The following PLCL2 variants were observed in gnomAD, a reference collection of about 807,000 sequenced individuals.
PLCL2 encodes the protein inactive phospholipase C-like protein 2.
PLCL2 carries 4 observed loss-of-function variants against 79.6 expected under a neutral mutation model. The observed-to-expected ratio is 0.05, with a 90% confidence interval of 0.02 to 0.11. PLCL2 has a LOEUF of 0.11. PLCL2 is among the 10% of genes least tolerant of loss of function. PLCL2 has a pLI of 1.00. For missense variants in PLCL2, 895 were observed against 1,291.0 expected (o/e 0.69, Z 4.70); for synonymous variants, 484 against 457.7 (o/e 1.06, Z -0.73).
intron 5 of PLCL2, among the ~76,000 whole-genome samples, chr3:17,082,767 G>A (rs751293839): frequency 1.3e-5 from 2 of 151,744 alleles, no homozygotes; most frequent in Non-Finnish European, 2.9e-5. Flanking sequence ...ATGCTGACAC[G>A]GAAAGATCAC....
intron 5 of PLCL2, among the ~76,000 whole-genome samples, chr3:17,072,353 T>C (rs1429895097): frequency 6.6e-6 from 1 of 152,080 alleles, no homozygotes; most frequent in African/African-American, 2.4e-5. Flanking sequence ...TTATAAGTAT[T>C]GTTGGTTGTC....
chr3:16,924,535 A>G (rs2124937316), intron 1 of PLCL2, among the ~76,000 whole-genome samples: 1 of 152,234 alleles, frequency 6.6e-6, no homozygotes, highest in Middle Eastern at 3.4e-3. Flanking sequence ...TTCACTTCCT[A>G]TTTGCACAGA....
At chr3:17,046,300 A>G (rs2064779715) in intron 4 of PLCL2, among the ~76,000 whole-genome samples, 1 of 152,206 alleles carries the variant, frequency 6.6e-6, no homozygotes, top group African/African-American at 2.4e-5. Context: ...TTTCAGGGCC[A>G]AAGTCTTTTC....
At chr3:17,000,500 A>G (rs866519863) in intron 1 of PLCL2, among the ~76,000 whole-genome samples, 19 of 152,120 alleles carry the variant, frequency 1.2e-4, no homozygotes, top group African/African-American at 4.1e-4. Context: ...ATTAATGACT[A>G]TAGTCAACCT....
chr3:16,902,291 A>G (rs1696639427), intron 1 of PLCL2, among the ~76,000 whole-genome samples: 1 of 152,222 alleles, frequency 6.6e-6, no homozygotes, highest in South Asian at 2.1e-4. Flanking sequence ...AAGAAATTAC[A>G]GCAAGGTCTT....
At chr3:17,047,444 A>G (rs535234324) in intron 4 of PLCL2, among the ~76,000 whole-genome samples, 201 of 152,288 alleles carry the variant, frequency 1.3e-3, no homozygotes, top group African/African-American at 4.5e-3. Flanking sequence ...AAACTAAATG[A>G]AAGATGACCC....
chr3:16,979,516 G>A (rs139630768), intron 1 of PLCL2, among the ~76,000 whole-genome samples: 2,900 of 91,138 alleles, frequency 0.032, 1,046 homozygotes, highest in African/African-American at 0.13. Context: ...CTGATTACTT[G>A]AGATTAGGGA....
chr3:16,981,149 G>GA (rs2063992658), intron 1 of PLCL2, among the ~76,000 whole-genome samples: 1 of 114,026 alleles, frequency 8.8e-6, no homozygotes, highest in Non-Finnish European at 1.8e-5. Flanking sequence ...AGGGAGACTC[G>GA]GGGGAGAGGG....
chr3:17,035,198 T>C (rs1575597740), intron 3 of PLCL2, among the ~76,000 whole-genome samples: 1 of 152,186 alleles, frequency 6.6e-6, no homozygotes, highest in Non-Finnish European at 1.5e-5. Flanking sequence ...ACTTCCCTAT[T>C]GTAACCACCA....
In PLCL2 at chr3:16,944,945, A is replaced by T. The variant is rs148064160; in HGVS notation, c.327+59579A>T. On this transcript the variant is annotated intron_variant, in intron 1 of 5. Transcript: ENST00000615277. ...CGGGTAATTTTTGTACTTTTAGTAG[A>T]GACGGGGTTTCACCATGTTGGCCAG... Among the ~76,000 whole-genome samples the T allele has an allele frequency of 2.1e-4, 32 of 152,112 alleles. No individual in the cohort carries two copies. In the East Asian group the frequency reaches 3.9e-3, roughly 18 times the overall value.
intron 1 of PLCL2, among the ~76,000 whole-genome samples, chr3:17,004,660 G>A (rs6442660): frequency 0.6 from 91,591 of 151,866 alleles, 28,060 homozygotes; most frequent in African/African-American, 0.71. Context: ...AAACTTTGCA[G>A]GGTAGCCCTT....
intron 5 of PLCL2, among the ~76,000 whole-genome samples, chr3:17,074,630 T>C (rs950115789): frequency 6.6e-6 from 1 of 152,232 alleles, no homozygotes; most frequent in East Asian, 1.9e-4. Flanking sequence ...TTCATCTACA[T>C]TGAAAATCTG....
chr3:17,023,678 AACAG>A (rs2064480374), intron 3 of PLCL2, among the ~76,000 whole-genome samples: 1 of 152,210 alleles, frequency 6.6e-6, no homozygotes, highest in Non-Finnish European at 1.5e-5. Context: ...GCAGCATGAA[AACAG>A]ACTAATACAC....
chr3:16,992,599 G>C (rs7619669), intron 1 of PLCL2, among the ~76,000 whole-genome samples: 6,846 of 152,292 alleles, frequency 0.045, 335 homozygotes, highest in African/African-American at 0.12. Context: ...GCACAGGCCA[G>C]TGCCTGCAGG....
intron 1 of PLCL2, among the ~76,000 whole-genome samples, chr3:16,929,104 C>T (rs1697330315): frequency 0.08 from 4 of 50 alleles, no homozygotes; most frequent in South Asian, 0.5. Flanking sequence ...AAGAGTAATT[C>T]TGAGCGGTGA....
intron 1 of PLCL2, among the ~76,000 whole-genome samples, chr3:16,890,405 A>G (rs1472799926): frequency 6.6e-6 from 1 of 152,234 alleles, no homozygotes. Flanking sequence ...TGTGCTCTGC[A>G]AGGAGCCTAA....
intron 1 of PLCL2, among the ~76,000 whole-genome samples, chr3:16,943,386 A>G (rs1414349611): frequency 6.6e-6 from 1 of 152,216 alleles, no homozygotes; most frequent in African/African-American, 2.4e-5. Context: ...TACCCCAAGA[A>G]GACTTGAGTG....
chr3:17,030,038 G>A (rs1435477791), intron 3 of PLCL2, among the ~76,000 whole-genome samples: 4 of 152,286 alleles, frequency 2.6e-5, no homozygotes, highest in African/African-American at 9.6e-5. Context: ...ATGAGCCCCT[G>A]CTAATGAGCT....
intron 4 of PLCL2, among the ~76,000 whole-genome samples, chr3:17,045,265 A>G (rs1467753325): frequency 6.6e-6 from 1 of 152,210 alleles, no homozygotes; most frequent in Non-Finnish European, 1.5e-5. Flanking sequence ...ATGTATTTCG[A>G]ATTTTAAAGC....
Sources: gnomAD v4.1 joint callset for allele counts (sites outside exome capture counted in the v4.1 genomes callset) on GRCh38, gnomAD v4.1.1 for gene constraint, MANE v1.5 for transcripts, NCBI Gene and HGNC (gene_info 2026-07-23, HGNC 2026-07-21) for gene names.